Variants in CACNA2D3 observed in about 807,000 individuals in gnomAD.
CACNA2D3 encodes the protein calcium voltage-gated channel auxiliary subunit alpha2delta 3.
CACNA2D3 carries 60 observed loss-of-function variants against 160.6 expected under a neutral mutation model. The observed-to-expected ratio is 0.37, with a 90% confidence interval of 0.30 to 0.46. The LOEUF is 0.46. Ranked by LOEUF, CACNA2D3 falls within the 20% of genes least tolerant of loss-of-function variation. The pLI, the probability that CACNA2D3 is intolerant of heterozygous loss-of-function variation, is 1.00. For synonymous variants in CACNA2D3, 558 were observed against 492.9 expected, an observed-to-expected ratio of 1.13 and a Z score of -1.75; for missense variants, 1,205 against 1,365.0, an observed-to-expected ratio of 0.88 and a Z score of 1.85.
intron 4 of CACNA2D3, among the ~76,000 whole-genome samples, chr3:54,417,109 A>C (rs1270872830): frequency 6.6e-6 from 1 of 152,168 alleles, no homozygotes; most frequent in Non-Finnish European, 1.5e-5. Context: ...GTGTGTGTTG[A>C]GGTTCTGCCT....
chr3:55,021,651 A>C (rs1703454124), intron 35 of CACNA2D3, among the ~76,000 whole-genome samples: 1 of 126,670 alleles, frequency 7.9e-6, no homozygotes, highest in African/African-American at 3.0e-5. Flanking sequence ...ATATGTGTAT[A>C]TATATATGTG....
At chr3:54,492,727 A>G (rs564794031) in intron 4 of CACNA2D3, among the ~76,000 whole-genome samples, 182 of 152,346 alleles carry the variant, frequency 1.2e-3, no homozygotes, top group African/African-American at 4.3e-3. Context: ...AAGTCCTTCA[A>G]TGAATAAACC....
In CACNA2D3 at chr3:54,340,532, A is replaced by G. The variant is rs551656106; in HGVS notation, c.321+19974A>G. Among the ~76,000 whole-genome samples the G allele has an allele frequency of 1.8e-4, 27 of 152,386 alleles. No homozygotes were observed. In the South Asian group the frequency reaches 5.6e-3, roughly 32 times the overall value. The stretch of plus-strand genomic sequence containing the variant: ...TGAAACAGAAAACGTACCTTCTTCC[A>G]GTATTTCAAAAGAATGGGAAGCAGA... On this transcript the variant is annotated intron_variant, in intron 3 of 37. Coordinates refer to ENST00000474759, the MANE Select transcript of CACNA2D3 (RefSeq NM_018398.3).
At chr3:54,369,852 G>A (rs1698893253) in intron 3 of CACNA2D3, among the ~76,000 whole-genome samples, 1 of 152,152 alleles carries the variant, frequency 6.6e-6, no homozygotes, top group Non-Finnish European at 1.5e-5. Context: ...ATTAGGCATA[G>A]TTATTATATT....
At chr3:54,518,209 TC>T (rs1390622003) in intron 5 of CACNA2D3, among the ~76,000 whole-genome samples, 1 of 152,086 alleles carries the variant, frequency 6.6e-6, no homozygotes. Context: ...TGGGGTCCCA[TC>T]CCCGCTCCTC....
At position 54,821,716 on chromosome 3, in the gene CACNA2D3, CCTCTCTCT is replaced by C. The variant is rs144564494; in HGVS notation, c.1398+4859_1398+4866del. Among the ~76,000 whole-genome samples, 15 of 112,796 alleles carry C rather than the reference CCTCTCTCT, an allele frequency of 1.3e-4. 1 individual carries two copies. The highest frequency in any genetic ancestry group is 4.7e-4 in the African/African-American group (14 of 29,776). The allele number at this position is 112,796 out of a possible 152,430, so 74.0% of individuals were successfully genotyped here. A position where few individuals can be genotyped will look rare whatever the true frequency, so the allele number is the denominator to read the frequency against. On this transcript the variant is annotated intron_variant, in intron 14 of 37. Transcript: ENST00000474759. ...TCTTTCTTTCCTTCCTTCCTTCTTT[CCTCTCTCT>C]CTCTCTCTCTCTTTCTCTCTCTCTC...
At chr3:54,925,362 C>G (rs1340263435) in intron 27 of CACNA2D3, 1 of 656,294 alleles carries the variant, frequency 1.5e-6, no homozygotes, top group Non-Finnish European at 2.6e-6. Flanking sequence ...CACTCACCGT[C>G]TTTAGTAGAG....
intron 5 of CACNA2D3, among the ~76,000 whole-genome samples, chr3:54,525,386 T>A (rs1273830391): frequency 6.6e-6 from 1 of 152,160 alleles, no homozygotes; most frequent in Non-Finnish European, 1.5e-5. Context: ...ATTTTGTCTT[T>A]CATAGTTACA....
intron 2 of CACNA2D3, among the ~76,000 whole-genome samples, chr3:54,169,533 G>C (rs1470812847): frequency 4.6e-5 from 7 of 152,038 alleles, no homozygotes; most frequent in African/African-American, 1.7e-4. Flanking sequence ...CCCTCATGAA[G>C]CTCATGGTTT....
chr3:54,579,941 T>G (rs901314359), intron 8 of CACNA2D3, among the ~76,000 whole-genome samples: 4 of 152,140 alleles, frequency 2.6e-5, no homozygotes, highest in African/African-American at 9.7e-5. Context: ...TTTATATGAC[T>G]AAAAGCAAAG....
chr3:54,799,840 T>C (rs1702945114), intron 13 of CACNA2D3, among the ~76,000 whole-genome samples: 1 of 152,140 alleles, frequency 6.6e-6, no homozygotes, highest in Non-Finnish European at 1.5e-5. Flanking sequence ...CAGAGCCAGG[T>C]TGACAGGAGG....
chr3:54,495,766 C>A (rs556538983), intron 4 of CACNA2D3, among the ~76,000 whole-genome samples: 3 of 152,208 alleles, frequency 2.0e-5, no homozygotes, highest in African/African-American at 7.2e-5. Context: ...AACAACCAAC[C>A]AGAGAGGGAA....
intron 9 of CACNA2D3, among the ~76,000 whole-genome samples, chr3:54,605,442 G>C (rs34474062): frequency 0.17 from 25,650 of 151,880 alleles, 2,490 homozygotes; most frequent in East Asian, 0.26. Context: ...TTATTCACCA[G>C]CATTTCAGAC....
chr3:54,371,459 A>G (rs192425929), intron 3 of CACNA2D3, among the ~76,000 whole-genome samples: 18 of 152,338 alleles, frequency 1.2e-4, no homozygotes, highest in African/African-American at 3.8e-4. Context: ...TATAATTTAC[A>G]TATAATACAA....
At position 54,838,636 on chromosome 3, in the gene CACNA2D3, C is replaced by T. The variant is rs765583017; in HGVS notation, c.1539C>T (p.Ile513=). Residue 513 remains isoleucine (I), a synonymous_variant, in exon 16 of 38, where the codon ATC becomes ATT. Coordinates refer to ENST00000474759, the MANE Select transcript of CACNA2D3 (RefSeq NM_018398.3). Reference sequence around the variant, plus strand: ...CAGTGAAAGAACTTCTGAAGACCATCCCCAAATACAAGGTAATGAATGACC... The same window carrying T: ...CAGTGAAAGAACTTCTGAAGACCATTCCCAAATACAAGGTAATGAATGACC... ...DVPVKELLKT[I]PKYKLGIHGY... The T allele has an allele frequency of 3.1e-6, 5 of 1,610,380 alleles. No individual in the cohort carries two copies. In the East Asian group the frequency reaches 1.1e-4, roughly 36 times the overall value.
At chr3:54,528,834 G>A (rs1412053966) in intron 5 of CACNA2D3, among the ~76,000 whole-genome samples, 4 of 152,152 alleles carry the variant, frequency 2.6e-5, no homozygotes, top group African/African-American at 9.7e-5. Flanking sequence ...AAAGAAAAAT[G>A]TGACTTACTA....
intron 2 of CACNA2D3, among the ~76,000 whole-genome samples, chr3:54,228,923 C>T (rs189301111): frequency 1.3e-5 from 2 of 152,320 alleles, no homozygotes; most frequent in African/African-American, 4.8e-5. Flanking sequence ...GAGATCTTTC[C>T]AGAGGCCAGT....
intron 11 of CACNA2D3, among the ~76,000 whole-genome samples, chr3:54,659,747 G>T (rs1013657126): frequency 6.6e-6 from 1 of 152,204 alleles, no homozygotes; most frequent in African/African-American, 2.4e-5. Flanking sequence ...TTTGTAGTAC[G>T]TAAAGCAGTG....
At chr3:54,325,990 T>A (rs1042728047) in intron 3 of CACNA2D3, among the ~76,000 whole-genome samples, 2 of 152,202 alleles carry the variant, frequency 1.3e-5, no homozygotes, top group Non-Finnish European at 2.9e-5. Context: ...GATTTTATAT[T>A]AAGTTTTCCC....
Sources: allele counts gnomAD v4.1 joint callset (sites outside exome capture counted in the v4.1 genomes callset), GRCh38; gene constraint gnomAD v4.1.1; transcripts MANE v1.5; gene names NCBI Gene and HGNC (gene_info 2026-07-23, HGNC 2026-07-21).